The following TECPR1 variants were observed in gnomAD, a reference collection of about 807,000 sequenced individuals.
The protein encoded by TECPR1 is tectonin beta-propeller repeat containing 1, also known as tectonin beta-propeller repeat-containing protein 1.
Under a neutral mutation model 162.4 loss-of-function variants are expected in TECPR1, and 122 were observed. The ratio of observed to expected loss-of-function variants is 0.75; its 90% CI spans 0.65 to 0.87. The LOEUF is 0.87. Among genes scored for constraint, TECPR1 ranks in the 40% least tolerant of loss-of-function variants. The probability of loss-of-function intolerance (pLI) is 0.00; values close to 1 mark genes in which losing one functional copy is unlikely to be tolerated. For synonymous variants in TECPR1, 642 were observed against 670.6 expected, an observed-to-expected ratio of 0.96 and a Z score of 0.66; for missense variants, 1,432 against 1,618.2, an observed-to-expected ratio of 0.88 and a Z score of 1.97.
intron 11 of TECPR1, 81 bp downstream of exon 11, chr7:98,233,338 CCT>C: frequency 7.2e-7 from 1 of 1,382,926 alleles, no homozygotes; most frequent in Non-Finnish European, 9.4e-7. Flanking sequence ...GCCCGAGCCC[CCT>C]GACCCCGGCC....
intron 8 of TECPR1, among the ~76,000 whole-genome samples, chr7:98,240,355 C>G (rs527874304): frequency 6.6e-6 from 1 of 152,138 alleles, no homozygotes; most frequent in Admixed American, 6.6e-5. Context: ...ACAAAACGTC[C>G]TGGAGATTGG....
At position 98,241,068 on chromosome 7, in the gene TECPR1, A is replaced by T; in HGVS notation, c.832+2T>A. On this transcript the variant is annotated splice_donor_variant, in intron 7 of 25. Transcript: ENST00000447648. LOFTEE classifies it high-confidence loss of function. The surrounding 1 kb of genome is among the most constrained non-coding windows in gnomAD (Gnocchi z 5.0). ...TGTGGGTGGGGGAGCCGGGCTGCCCACCTTTGGGATTGCTCCTGTTGATTC... is the reference window on the plus strand; with the variant it reads ...TGTGGGTGGGGGAGCCGGGCTGCCCTCCTTTGGGATTGCTCCTGTTGATTC... 1 of 1,602,180 alleles carries T rather than the reference A, an allele frequency of 6.2e-7. No individual in the cohort carries two copies. The highest frequency in any genetic ancestry group is 8.5e-7 in the Non-Finnish European group (1 of 1,173,748).
chr7:98,225,443 G>A (rs2116548877), intron 17 of TECPR1, among the ~76,000 whole-genome samples: 1 of 152,242 alleles, frequency 6.6e-6, no homozygotes, highest in East Asian at 1.9e-4. Flanking sequence ...GCTGAGGCAG[G>A]GGAATCGCTT....
chr7:98,222,586 G>A, intron 21 of TECPR1, 65 bp from the exon 22 acceptor site: 1 of 1,528,486 alleles, frequency 6.5e-7, no homozygotes, highest in South Asian at 1.2e-5. Flanking sequence ...CCACCTCCAG[G>A]ACCAGCAGAA....
chr7:98,231,900 C>T lies in TECPR1; in HGVS notation c.1878G>A (p.Trp626Ter). 2.5e-6 allele frequency: 4 copies of T among 1,611,596 alleles called. No homozygotes were observed. The highest frequency in any genetic ancestry group is 1.7e-5 in the Admixed American group (1 of 60,008). Residue 626 changes from tryptophan (W) to a stop codon, truncating the protein, a stop_gained, in exon 13 of 26, where the codon TGG becomes TGA. Transcript: ENST00000447648. LOFTEE classifies it high-confidence loss of function. ...QWWCDWKPHK[W>*]VDVRLALEQF... The stretch of plus-strand genomic sequence containing the variant: ...GCTCCAGGGCCAAGCGCACGTCCAC[C>T]CACTTGTGGGGCTTCCAGTCGCACC...
intron 16 of TECPR1, 115 bp downstream of exon 16, chr7:98,228,924 G>A: frequency 7.2e-7 from 1 of 1,398,334 alleles, no homozygotes; most frequent in Admixed American, 2.4e-5. Context: ...TCAGCCAGCT[G>A]TTAGCCGAGT....
Position 98,244,990 on chromosome 7 carries a change from G to C in TECPR1, c.303C>G (p.Leu101=). 1 of 1,611,968 alleles carries C rather than the reference G, an allele frequency of 6.2e-7. No homozygotes were observed. Among genetic ancestry groups the C allele is most frequent in the Non-Finnish European group, 8.5e-7 (1 of 1,179,520 alleles). ...CCACCCTGTCCAGCGGCCGGTGCTGGAGCCCACTCACGTCACTCCACCCCC... is the reference window on the plus strand; with the variant it reads ...CCACCCTGTCCAGCGGCCGGTGCTGCAGCCCACTCACGTCACTCCACCCCC... The part of the protein sequence containing the change: ...DRWGWSDVSG[L]QHRPLDRVAL... The change falls in exon 4 of 26, where the codon CTC becomes CTG. Residue 101 remains leucine, a synonymous_variant. Transcript: ENST00000447648.
Position 98,231,960 on chromosome 7 carries a change from C to T in TECPR1, c.1819-1G>A. 6.2e-7 allele frequency: 1 copy of T among 1,601,108 alleles called. No homozygotes were observed. Among genetic ancestry groups the T allele is most frequent in the Non-Finnish European group, 8.5e-7 (1 of 1,178,680 alleles). ...GCGCCCCGGTCTTCACCCACACCGA[C>T]TGCGCAGGCCGGGGCAGTGGACACC... On this transcript the variant is annotated splice_acceptor_variant, in intron 12 of 25. Transcript: ENST00000447648. LOFTEE classifies it high-confidence loss of function.
At chr7:98,239,604 G>C (rs1047084445) in intron 8 of TECPR1, among the ~76,000 whole-genome samples, 40 of 152,090 alleles carry the variant, frequency 2.6e-4, no homozygotes, top group African/African-American at 9.7e-4. Context: ...TTAATCCAAA[G>C]AAAGTGACAC....
At chr7:98,224,473 T>C (rs1257991096) in intron 19 of TECPR1, among the ~76,000 whole-genome samples, 2 of 152,184 alleles carry the variant, frequency 1.3e-5, no homozygotes, top group Non-Finnish European at 2.9e-5. Flanking sequence ...CTCAGTCTGG[T>C]GCCCTGGGTG....
intron 17 of TECPR1, 92 bp from the exon 18 acceptor site, chr7:98,225,194 G>C (rs1041783510): frequency 8.1e-7 from 1 of 1,239,270 alleles, no homozygotes; most frequent in Non-Finnish European, 1.1e-6. Context: ...GGGAAGCACC[G>C]AGCTCCAGTC....
intron 16 of TECPR1, 29 bp downstream of exon 16, chr7:98,229,010 G>T: frequency 1.3e-6 from 2 of 1,593,848 alleles, no homozygotes; most frequent in East Asian, 4.5e-5. Context: ...GCCCAGGAAG[G>T]CTCCGGGGGG....
chr7:98,231,800 G>A lies in TECPR1; in HGVS notation c.1974+4C>T, dbSNP rs764258152. 1.9e-6 allele frequency: 3 copies of A among 1,609,374 alleles called. No homozygotes were observed. The highest frequency in any genetic ancestry group is 2.2e-5 in the East Asian group (1 of 44,682). On this transcript the variant is annotated splice_donor_region_variant and intron_variant, in intron 13 of 25. Coordinates refer to ENST00000447648, the MANE Select transcript of TECPR1 (RefSeq NM_015395.3). Reference sequence around the variant, plus strand: ...GCCCCATCTCCTGTGGGACCCGTGGGCACCTTCTTCTCCTCGTGGACCACA... The same window carrying A: ...GCCCCATCTCCTGTGGGACCCGTGGACACCTTCTTCTCCTCGTGGACCACA...
At chr7:98,244,515 TG>T in intron 5 of TECPR1, 55 bp downstream of exon 5, 1 of 1,543,296 alleles carries the variant, frequency 6.5e-7, no homozygotes, top group Non-Finnish European at 8.8e-7. Context: ...GGAGGCTGCA[TG>T]TGACACTCTG....
rs1426386955 is a variant in TECPR1 at position 98,214,652 on chromosome 7, T to G, written c.*2738A>C. ...GCCAGAGCAGGGCTCAGTCTGCCCC[T>G]GAACTTGCTGAATGGACCGACGAGC... On this transcript the variant is annotated 3_prime_UTR_variant, in exon 26 of 26. Transcript: ENST00000447648. 1 of 152,244 alleles carries G rather than the reference T, an allele frequency of 6.6e-6. No individual in the cohort carries two copies. The highest frequency in any genetic ancestry group is 1.5e-5 in the Non-Finnish European group (1 of 68,062). The allele number at this position is 152,244 out of a possible 1,614,324, so 9.4% of individuals were successfully genotyped here.
intron 19 of TECPR1, 105 bp downstream of exon 19, chr7:98,224,696 G>A (rs977151097): frequency 8.7e-7 from 1 of 1,153,604 alleles, no homozygotes; most frequent in African/African-American, 1.5e-5. Context: ...GCCAGGCCTA[G>A]GGGGCAGGGT....
chr7:98,246,703 C>G (rs1798921083), intron 2 of TECPR1, among the ~76,000 whole-genome samples: 1 of 152,112 alleles, frequency 6.6e-6, no homozygotes, highest in South Asian at 2.1e-4. Flanking sequence ...CTGCCTCAGC[C>G]TCCCCAGTAG....
chr7:98,224,896 C>T lies in TECPR1; in HGVS notation c.2611-16G>A, dbSNP rs1798238363. On this transcript the variant is annotated splice_polypyrimidine_tract_variant and intron_variant, in intron 18 of 25. Transcript: ENST00000447648. ...AGTCGGAAACCTGGGAGGAGTGGGT[C>T]AGTGAGGATGGGACCCCCCGAATCC... 6.4e-7 allele frequency: 1 copy of T among 1,556,986 alleles called. No individual in the cohort carries two copies. Among genetic ancestry groups the T allele is most frequent in the East Asian group, 2.4e-5 (1 of 41,402 alleles).
intron 15 of TECPR1, among the ~76,000 whole-genome samples, chr7:98,229,384 G>A (rs1219042356): frequency 6.6e-6 from 1 of 152,166 alleles, no homozygotes; most frequent in Non-Finnish European, 1.5e-5. Context: ...CACTGGGGCT[G>A]TGCAGGTCAG....
Sources: gnomAD v4.1 joint callset for allele counts (sites outside exome capture counted in the v4.1 genomes callset) on GRCh38, gnomAD v4.1.1 for gene constraint, Gnocchi (gnomAD v3.1) non-coding constraint, MANE v1.5 for transcripts, NCBI Gene and HGNC (gene_info 2026-07-23, HGNC 2026-07-21) for gene names.